SLC33A2: variants seen among roughly 807,000 people sequenced by gnomAD.
SLC33A2 encodes the protein solute carrier family 33 member 2.
At chr8:144,510,871 C>T in the SLC33A2 span, 2,121 of 1,608,770 alleles carry the variant, frequency 1.3e-3, 8 homozygotes, top group African/African-American at 0.014. Flanking sequence ...TGGGATGATG[C>T]GCTGCAGCCA....
chr8:144,510,282 C>T, the SLC33A2 span: 1 of 1,582,216 alleles, frequency 6.3e-7, no homozygotes, highest in Non-Finnish European at 8.6e-7. Flanking sequence ...CAGGGCAGGA[C>T]TGAGGGCCCA....
the SLC33A2 span, chr8:144,511,083 A>G: frequency 6.2e-7 from 1 of 1,609,128 alleles, no homozygotes; most frequent in Non-Finnish European, 8.5e-7. Context: ...GGTTGGGGCC[A>G]CATCCCTGCT....
the SLC33A2 span, chr8:144,509,916 C>A: frequency 3.2e-6 from 5 of 1,568,060 alleles, no homozygotes; most frequent in South Asian, 5.7e-5. Context: ...ACAGCAGCCC[C>A]CTTCCGAGCA....
chr8:144,510,459 G>GCTCCATCGCTGGCTC, the SLC33A2 span: 1 of 1,612,832 alleles, frequency 6.2e-7, no homozygotes, highest in South Asian at 1.1e-5. Flanking sequence ...GCTGTGGTCT[G>GCTCCATCGCTGGCTC]CTCCATCGCT....
At chr8:144,510,728 G>A in the SLC33A2 span, 316 of 1,596,184 alleles carry the variant, frequency 2.0e-4, no homozygotes, top group Middle Eastern at 5.0e-4. Flanking sequence ...GAGAGGTGAG[G>A]GGCTGGCCTT....
At chr8:144,509,661 C>T in the SLC33A2 span, 87 of 1,552,034 alleles carry the variant, frequency 5.6e-5, 1 homozygote, top group East Asian at 2.0e-3. Context: ...GTTGTTGAAC[C>T]TGGGTGCCGC....
the SLC33A2 span, chr8:144,510,716 T>C: frequency 3.8e-6 from 6 of 1,587,998 alleles, no homozygotes; most frequent in African/African-American, 6.7e-5. Context: ...TGGCACAATC[T>C]TGAGAGGTGA....
chr8:144,509,967 G>A, the SLC33A2 span: 50 of 1,596,104 alleles, frequency 3.1e-5, no homozygotes, highest in Middle Eastern at 1.7e-4. Flanking sequence ...CGTGCTAGCC[G>A]TGCCGGGGAC....
the SLC33A2 span, chr8:144,510,607 G>T: frequency 1.9e-6 from 3 of 1,582,276 alleles, no homozygotes; most frequent in African/African-American, 2.7e-5. Context: ...GGAAACTGCT[G>T]CCTCTGTTGA....
chr8:144,509,843 G>A, the SLC33A2 span: 3 of 1,538,070 alleles, frequency 2.0e-6, no homozygotes, highest in African/African-American at 1.4e-5. Context: ...TTCTGCTCCT[G>A]GCTGCCACCT....
chr8:144,510,872 G>A, the SLC33A2 span: 190 of 1,608,146 alleles, frequency 1.2e-4, no homozygotes, highest in African/African-American at 1.5e-4. Context: ...GGGATGATGC[G>A]CTGCAGCCAG....
At chr8:144,511,118 C>T in the SLC33A2 span, 1 of 1,610,588 alleles carries the variant, frequency 6.2e-7, no homozygotes, top group East Asian at 2.2e-5. Flanking sequence ...ATCCTCTCTG[C>T]CTTTCCCGTT....
At chr8:144,509,998 T>A in the SLC33A2 span, 2 of 1,595,854 alleles carry the variant, frequency 1.3e-6, no homozygotes, top group Non-Finnish European at 1.7e-6. Flanking sequence ...GCAGGCTTTG[T>A]GCTCACCTAC....
chr8:144,509,685 G>T, the SLC33A2 span: 1 of 1,560,572 alleles, frequency 6.4e-7, no homozygotes. Flanking sequence ...GCAGGATGTG[G>T]CCCTGGACGC....
the SLC33A2 span, chr8:144,509,286 C>T: frequency 2.3e-5 from 33 of 1,420,232 alleles, no homozygotes; most frequent in Non-Finnish European, 2.8e-5. Context: ...CCTTGCGGGA[C>T]CCCACCTGGA....
At chr8:144,509,257 C>T in the SLC33A2 span, 1 of 1,379,168 alleles carries the variant, frequency 7.3e-7, no homozygotes, top group Non-Finnish European at 9.4e-7. Flanking sequence ...GCCTCTGACC[C>T]CACGCGGAGG....
chr8:144,510,768 G>A, the SLC33A2 span: 15 of 1,610,210 alleles, frequency 9.3e-6, no homozygotes, highest in East Asian at 2.0e-4. Flanking sequence ...AGGAGCCTGG[G>A]GCACTGCTGA....
the SLC33A2 span, chr8:144,510,195 T>C: frequency 6.2e-6 from 8 of 1,295,244 alleles, no homozygotes; most frequent in African/African-American, 5.9e-5. Flanking sequence ...CCCCCAGCTC[T>C]AGCCCCATCC....
At chr8:144,510,502 G>T in the SLC33A2 span, 2 of 1,612,548 alleles carry the variant, frequency 1.2e-6, no homozygotes, top group Non-Finnish European at 1.7e-6. Context: ...TGCTGGCCAA[G>T]CACTGGTGAG....
Sources: allele counts gnomAD v4.1 joint callset, GRCh38; gene constraint gnomAD v4.1.1; transcripts MANE v1.5; gene names NCBI Gene and HGNC (gene_info 2026-07-23, HGNC 2026-07-21).